NAA15: variants seen among roughly 807,000 people sequenced by gnomAD.
The protein encoded by NAA15 is N-alpha-acetyltransferase 15, NatA auxiliary subunit.
Under a neutral mutation model 114.0 loss-of-function variants are expected in NAA15, and 34 were observed. The observed-to-expected ratio is 0.30, with a 90% CI of 0.23 to 0.40. The LOEUF is 0.40. Ranked by LOEUF, NAA15 falls within the 10% of genes least tolerant of loss-of-function variation. The probability of loss-of-function intolerance (pLI) is 1.00; values close to 1 mark genes in which losing one functional copy is unlikely to be tolerated. For synonymous variants in NAA15, 340 were observed against 338.0 expected, an observed-to-expected ratio of 1.01 and a Z score of -0.06; for missense variants, 658 against 1,004.5, an observed-to-expected ratio of 0.66 and a Z score of 4.66.
intron 1 of NAA15, among the ~76,000 whole-genome samples, chr4:139,307,308 A>T (rs550414672): frequency 2.6e-5 from 4 of 152,330 alleles, no homozygotes; most frequent in African/African-American, 9.6e-5. Flanking sequence ...TAACTCTATC[A>T]CACAGTCTGG....
intron 1 of NAA15, among the ~76,000 whole-genome samples, chr4:139,305,355 A>C (rs938932967): frequency 6.6e-6 from 1 of 152,204 alleles, no homozygotes; most frequent in Non-Finnish European, 1.5e-5. Context: ...AGGAATGAAG[A>C]AAGTGTTACT....
intron 1 of NAA15, among the ~76,000 whole-genome samples, chr4:139,325,830 A>G (rs1746783249): frequency 6.6e-6 from 1 of 151,786 alleles, no homozygotes; most frequent in East Asian, 1.9e-4. Context: ...ATTTTTTTGT[A>G]GAGACAGTGG....
intron 1 of NAA15, among the ~76,000 whole-genome samples, chr4:139,330,421 C>A (rs1161207661): frequency 6.6e-6 from 1 of 152,214 alleles, no homozygotes; most frequent in African/African-American, 2.4e-5. Flanking sequence ...TTCTCCTCCT[C>A]TTATCCCTGA....
rs1441046465 is a variant in NAA15 at position 139,388,824 on chromosome 4, C to T, written c.*740C>T. Reference sequence around the variant, plus strand: ...AACTAAAACAACAATGCAAACCTTTCAGCATTGTTTGGCCAAACTTGTTAA... The same window carrying T: ...AACTAAAACAACAATGCAAACCTTTTAGCATTGTTTGGCCAAACTTGTTAA... On this transcript the variant is annotated 3_prime_UTR_variant, in exon 20 of 20. Coordinates refer to ENST00000296543, the MANE Select transcript of NAA15 (RefSeq NM_057175.5). 1 of 152,626 alleles carries T rather than the reference C, an allele frequency of 6.6e-6. No homozygotes were observed. Among genetic ancestry groups the T allele is most frequent in the Non-Finnish European group, 1.5e-5 (1 of 68,044 alleles). The allele number at this position is 152,626 out of a possible 1,614,324, so 9.5% of individuals were successfully genotyped here.
chr4:139,330,034 A>G (rs1579098006), intron 1 of NAA15, among the ~76,000 whole-genome samples: 2 of 152,160 alleles, frequency 1.3e-5, no homozygotes, highest in East Asian at 1.9e-4. Context: ...GTTATTTCAT[A>G]TATTTTGTCC....
intron 3 of NAA15, 30 bp from the exon 4 acceptor site, chr4:139,340,882 G>A (rs1747362251): frequency 6.8e-7 from 1 of 1,472,884 alleles, no homozygotes; most frequent in African/African-American, 1.4e-5. Context: ...TTTTTGACTT[G>A]TAGGTTGTAC....
At chr4:139,326,064 A>G (rs908603010) in intron 1 of NAA15, among the ~76,000 whole-genome samples, 1 of 152,252 alleles carries the variant, frequency 6.6e-6, no homozygotes, top group African/African-American at 2.4e-5. Flanking sequence ...TGTGTCTGCA[A>G]TGAGATTATG....
chr4:139,378,859 GT>G lies in NAA15; in HGVS notation c.2155+10del. On this transcript the variant is annotated splice_donor_region_variant and intron_variant, in intron 17 of 19. Transcript: ENST00000296543. ...TGATTCGTCTCTTTAATACTGGTATGTTTTTGTTTTCCATTACTTAAGTATT... is the reference window on the plus strand; with the variant it reads ...TGATTCGTCTCTTTAATACTGGTATGTTTTGTTTTCCATTACTTAAGTATT... 1.3e-6 allele frequency: 2 copies of G among 1,530,998 alleles called. No individual in the cohort carries two copies. 94.8% of individuals were successfully genotyped at this position (1,530,998 alleles called of 1,614,324 possible).
Position 139,386,158 on chromosome 4 carries a change from T to A in NAA15, c.2328T>A (p.Asp776Glu), listed in dbSNP as rs1205935523. The change falls in exon 19 of 20, where the codon GAT (aspartate) becomes GAA (glutamate). Residue 776 changes from aspartate (D) to glutamate (E), a missense_variant. Asp to Glu is a conservative substitution (Grantham distance 45, BLOSUM62 2). Around this residue, in one of 6 missense-constraint regions of NAA15, gnomAD observed 275 missense variants for 371.1 expected, o/e 0.74. Coordinates refer to ENST00000296543, the MANE Select transcript of NAA15 (RefSeq NM_057175.5). ...LSAAKMVYYL[D>E]PSSQKRAIEL... ...CTGCCAAAATGGTATATTACTTAGA[T>A]CCTTCTAGTCAGAAGCGAGCTATAG... 6.2e-7 allele frequency: 1 copy of A among 1,606,410 alleles called. No homozygotes were observed. The highest frequency in any genetic ancestry group is 1.7e-5 in the Admixed American group (1 of 58,938).
rs1176864491 is a variant in NAA15 at position 139,388,015 on chromosome 4, A to G, written c.2532A>G (p.Glu844=). ...TGGCTTTCATGCCTCCTGGATATGA[A>G]GAGGATATGAAGATCACAGTTAATG... ...YALAFMPPGY[E]EDMKITVNGD... is the part of the protein sequence containing the mutation. Residue 844 remains glutamate (E), a synonymous_variant, in exon 20 of 20, where the codon GAA becomes GAG. Transcript: ENST00000296543. 2 of 1,613,884 alleles carry G rather than the reference A, an allele frequency of 1.2e-6. No individual in the cohort carries two copies.
chr4:139,358,950 A>T (rs768704473), intron 11 of NAA15, among the ~76,000 whole-genome samples: 1 of 151,856 alleles, frequency 6.6e-6, no homozygotes, highest in Non-Finnish European at 1.5e-5. Context: ...CCCCATCTCT[A>T]CTAAAAATAC....
At position 139,369,416 on chromosome 4, in the gene NAA15, G is replaced by A. The variant is rs139211614; in HGVS notation, c.1754-795G>A. On this transcript the variant is annotated intron_variant, in intron 14 of 19. Transcript: ENST00000296543. Reference sequence around the variant, plus strand: ...CAAGAAAGTTTTCTGAAGTGGTTCCGTTGTTTGCTATCTGATGTTGAACCA... The same window carrying A: ...CAAGAAAGTTTTCTGAAGTGGTTCCATTGTTTGCTATCTGATGTTGAACCA... Among the ~76,000 whole-genome samples, 26 of 152,226 alleles carry A rather than the reference G, an allele frequency of 1.7e-4. 1 individual carries two copies. Among genetic ancestry groups the A allele is most frequent in the Admixed American group, 1.0e-3 (16 of 15,300 alleles).
intron 17 of NAA15, among the ~76,000 whole-genome samples, chr4:139,380,869 G>T (rs973603494): frequency 1.3e-5 from 2 of 152,110 alleles, no homozygotes; most frequent in African/African-American, 2.4e-5. Flanking sequence ...TGGCATCTTT[G>T]TTATACCCCA....
chr4:139,384,791 A>G, intron 17 of NAA15, 41 bp from the exon 18 acceptor site: 2 of 1,263,952 alleles, frequency 1.6e-6, no homozygotes, highest in Non-Finnish European at 2.1e-6. Flanking sequence ...AAACTTTATC[A>G]GAGTATTCAA....
chr4:139,346,208 A>G, intron 6 of NAA15, among the ~76,000 whole-genome samples: 1 of 151,386 alleles, frequency 6.6e-6, no homozygotes, highest in East Asian at 1.9e-4. Flanking sequence ...CACATCAACA[A>G]GTAGTGGTGG....
chr4:139,314,821 GCGTGTGCC>G (rs1349293399), intron 1 of NAA15, among the ~76,000 whole-genome samples: 2 of 151,728 alleles, frequency 1.3e-5, no homozygotes, highest in Non-Finnish European at 2.9e-5. Flanking sequence ...GGGATTACAG[GCGTGTGCC>G]ACCATGCCCA....
intron 1 of NAA15, among the ~76,000 whole-genome samples, chr4:139,313,729 A>T (rs1746294675): frequency 6.6e-6 from 1 of 151,636 alleles, no homozygotes; most frequent in Non-Finnish European, 1.5e-5. Flanking sequence ...ATTTTAGTAG[A>T]GACAGGGTTT....
rs989332922 is a variant in NAA15, at chr4:139,336,580, A to G, written c.140-268A>G. On this transcript the variant is annotated intron_variant, in intron 2 of 19. Transcript: ENST00000296543. ...GAATTACTAGATTATCTTTCTAGTC[A>G]AATAGCATGCATTTTGTATCTTTTA... is the stretch of plus-strand genomic sequence containing the variant. 2.6e-5 allele frequency among the ~76,000 whole-genome samples: 4 copies of G among 152,282 alleles called. 1 individual carries two copies. The South Asian group carries it at 8.3e-4, about 32-fold the overall frequency.
chr4:139,350,181 A>G (rs1045389636), intron 7 of NAA15, among the ~76,000 whole-genome samples: 4 of 149,918 alleles, frequency 2.7e-5, no homozygotes, highest in Non-Finnish European at 4.5e-5. Flanking sequence ...AGGGGCTCAC[A>G]CTTGTGATCC....
Sources: allele counts gnomAD v4.1 joint callset (sites outside exome capture counted in the v4.1 genomes callset), GRCh38; gene constraint gnomAD v4.1.1; regional missense constraint gnomAD v4.1.1; transcripts MANE v1.5; gene names NCBI Gene and HGNC (gene_info 2026-07-23, HGNC 2026-07-21).